Variants in ADAMTS2 observed in about 807,000 individuals in gnomAD.
ADAMTS2 encodes the protein ADAM metallopeptidase with thrombospondin type 1 motif 2.
Under a neutral mutation model 123.0 loss-of-function variants are expected in ADAMTS2, and 50 were observed. That is an observed-to-expected ratio of 0.41 (90% CI 0.32 to 0.51). The LOEUF (loss-of-function observed/expected upper bound fraction) is 0.51. Among genes scored for constraint, ADAMTS2 ranks in the 20% least tolerant of loss-of-function variants. The pLI is 0.35. For missense variants in ADAMTS2, 1,494 were observed against 1,705.2 expected, an observed-to-expected ratio of 0.88 and a Z score of 2.18; for synonymous variants, 678 against 695.4, an observed-to-expected ratio of 0.98 and a Z score of 0.39.
Position 179,128,382 on chromosome 5 carries a change from A to AT in ADAMTS2, c.2458-265dup, listed in dbSNP as rs1196606992. Among the ~76,000 whole-genome samples, 2 of 151,844 alleles carry AT rather than the reference A, an allele frequency of 1.3e-5. No individual in the cohort carries two copies. The highest frequency in any genetic ancestry group is 2.9e-5 in the Non-Finnish European group (2 of 67,968). On this transcript the variant is annotated intron_variant, in intron 16 of 21. Coordinates refer to ENST00000251582, the MANE Select transcript of ADAMTS2 (RefSeq NM_014244.5). This position sits in a 1 kb window ranked among gnomAD's most constrained non-coding sequence, Gnocchi z 4.9. ...CCTTGTTTTATGTGTGAGTCTGTTTATTTTTTTGTTTGTTTTTGTTTGTTT... is the reference window on the plus strand; with the variant it reads ...CCTTGTTTTATGTGTGAGTCTGTTTATTTTTTTTGTTTGTTTTTGTTTGTTT...
chr5:179,204,929 G>A (rs1581188150), intron 4 of ADAMTS2, among the ~76,000 whole-genome samples: 1 of 152,236 alleles, frequency 6.6e-6, no homozygotes, highest in East Asian at 1.9e-4. Flanking sequence ...TCACTTCTGT[G>A]CAACAGGGGA....
At chr5:179,325,566 G>T (rs1757290715) in intron 2 of ADAMTS2, among the ~76,000 whole-genome samples, 1 of 152,256 alleles carries the variant, frequency 6.6e-6, no homozygotes, top group Non-Finnish European at 1.5e-5. Flanking sequence ...CCGAAGTCCT[G>T]CTCCGCTGTC....
rs187779507 is a variant in ADAMTS2, at chr5:179,183,025, C to T, written c.892-1870G>A. 8.5e-3 allele frequency among the ~76,000 whole-genome samples: 1,300 copies of T among 152,270 alleles called. 9 individuals carry two copies. The highest frequency in any genetic ancestry group is 0.012 in the Non-Finnish European group (808 of 68,008). On this transcript the variant is annotated intron_variant, in intron 4 of 21. Coordinates refer to ENST00000251582, the MANE Select transcript of ADAMTS2 (RefSeq NM_014244.5). Reference sequence around the variant, plus strand: ...CACAAAGCTGTTGTGGGGATGAAACCGTCATGCAGGTGCAATGGAATGGTG... The same window carrying T: ...CACAAAGCTGTTGTGGGGATGAAACTGTCATGCAGGTGCAATGGAATGGTG...
intron 10 of ADAMTS2, among the ~76,000 whole-genome samples, chr5:179,142,499 T>C (rs573031292): frequency 6.6e-6 from 1 of 152,286 alleles, no homozygotes; most frequent in Non-Finnish European, 1.5e-5. Context: ...GAGCAAGCTA[T>C]ATACCCCAGG....
At chr5:179,231,996 G>A (rs1023256874) in intron 3 of ADAMTS2, among the ~76,000 whole-genome samples, 20 of 151,918 alleles carry the variant, frequency 1.3e-4, no homozygotes, top group Admixed American at 1.1e-3. Flanking sequence ...GGCAGAACCC[G>A]TATCAGCTTT....
At chr5:179,330,480 G>T (rs1757453084) in intron 2 of ADAMTS2, among the ~76,000 whole-genome samples, 2 of 152,244 alleles carry the variant, frequency 1.3e-5, no homozygotes, top group Non-Finnish European at 2.9e-5. Context: ...AACTGCCCCG[G>T]CTTTGGTTTT....
In ADAMTS2 at chr5:179,228,122, A is replaced by T. The variant is rs1451563000; in HGVS notation, c.689-20407T>A. On this transcript the variant is annotated intron_variant, in intron 3 of 21. Transcript: ENST00000251582. This position sits in a 1 kb window ranked among gnomAD's most constrained non-coding sequence, Gnocchi z 5.2. ...ACACAAGGACAGACACCCATGAGAC[A>T]CTCAGGCAGGAGTGGTCTGGAGCAC... Among the ~76,000 whole-genome samples the T allele has an allele frequency of 6.6e-6, 1 of 152,038 alleles. No homozygotes were observed. The highest frequency in any genetic ancestry group is 1.5e-5 in the Non-Finnish European group (1 of 67,966).
intron 2 of ADAMTS2, among the ~76,000 whole-genome samples, chr5:179,329,803 G>C (rs1273562585): frequency 6.6e-6 from 1 of 152,206 alleles, no homozygotes; most frequent in Non-Finnish European, 1.5e-5. Context: ...GAGGAGGAAA[G>C]TTGGGGGCCG....
chr5:179,171,919 C>A (rs1000418206), intron 5 of ADAMTS2, among the ~76,000 whole-genome samples: 3 of 152,116 alleles, frequency 2.0e-5, no homozygotes, highest in Non-Finnish European at 1.5e-5. Context: ...ACTGGGGTGT[C>A]CTGGGTCCCA....
chr5:179,302,243 T>C (rs758586077), intron 2 of ADAMTS2, among the ~76,000 whole-genome samples: 10 of 151,726 alleles, frequency 6.6e-5, no homozygotes, highest in Admixed American at 1.3e-4. Context: ...GGGCGGATCA[T>C]GAGGTCAGGA....
At position 179,281,024 on chromosome 5, in the gene ADAMTS2, A is replaced by G. The variant is rs1014897432; in HGVS notation, c.535-7960T>C. On this transcript the variant is annotated intron_variant, in intron 2 of 21. Transcript: ENST00000251582. ...TGGTACACACCACCACATCCAGCTA[A>G]TTTTTGTATTTCTAGTAGAGATGGG... Among the ~76,000 whole-genome samples the G allele has an allele frequency of 5.3e-5, 8 of 152,056 alleles. No homozygotes were observed. The East Asian group carries it at 1.2e-3, about 22-fold the overall frequency.
chr5:179,251,697 A>C (rs1765930032), intron 3 of ADAMTS2, among the ~76,000 whole-genome samples: 1 of 152,232 alleles, frequency 6.6e-6, no homozygotes, highest in East Asian at 1.9e-4. Flanking sequence ...TATACCTAAG[A>C]GTAATGAACA....
At position 179,204,334 on chromosome 5, in the gene ADAMTS2, G is replaced by A. The variant is rs115399390; in HGVS notation, c.891+3179C>T. On this transcript the variant is annotated intron_variant, in intron 4 of 21. Coordinates refer to ENST00000251582, the MANE Select transcript of ADAMTS2 (RefSeq NM_014244.5). ...TCGCACGCTTAAAAATGGTGAAGAC[G>A]GTGACTTATGTTCTGTATATTTCAC... Among the ~76,000 whole-genome samples, 502 of 152,246 alleles carry A rather than the reference G, an allele frequency of 3.3e-3. 1 individual carries two copies. The highest frequency in any genetic ancestry group is 0.011 in the African/African-American group (471 of 41,530).
At position 179,137,817 on chromosome 5, in the gene ADAMTS2, C is replaced by G; in HGVS notation, c.1903G>C (p.Glu635Gln). Residue 635 changes from glutamate (E) to glutamine (Q), a missense_variant, in exon 12 of 22, where the codon GAG becomes CAG. Around this residue, in one of 6 missense-constraint regions of ADAMTS2, gnomAD observed 953 missense variants for 1,124.7 expected, o/e 0.85. Coordinates refer to ENST00000251582, the MANE Select transcript of ADAMTS2 (RefSeq NM_014244.5). ...EQCRQWDLYF[E>Q]HGDAQHHWLP... The stretch of plus-strand genomic sequence containing the variant: ...CAGTGGTGCTGGGCGTCGCCGTGCT[C>G]GAAGTACAGGTCCCACTGGCGGCAC... 1 of 1,580,312 alleles carries G rather than the reference C, an allele frequency of 6.3e-7. No homozygotes were observed. Among genetic ancestry groups the G allele is most frequent in the Non-Finnish European group, 8.6e-7 (1 of 1,164,946 alleles).
At chr5:179,217,630 G>A (rs906894377) in intron 3 of ADAMTS2, among the ~76,000 whole-genome samples, 1 of 148,720 alleles carries the variant, frequency 6.7e-6, no homozygotes, top group Non-Finnish European at 1.5e-5. Flanking sequence ...GCGGGCTTTG[G>A]GTTCCAAGCC....
At chr5:179,286,382 A>G (rs234994) in intron 2 of ADAMTS2, among the ~76,000 whole-genome samples, 148,439 of 152,134 alleles carry the variant, frequency 0.98, 72,536 homozygotes, top group East Asian at 1. Flanking sequence ...CAACCAGCCC[A>G]GGAGACCAGC....
At chr5:179,341,772 A>G (rs548271094) in intron 2 of ADAMTS2, among the ~76,000 whole-genome samples, 193 of 151,722 alleles carry the variant, frequency 1.3e-3, no homozygotes, top group African/African-American at 4.4e-3. Flanking sequence ...GTCCAAGGCC[A>G]TTATTCAGTG....
At chr5:179,287,645 T>G (rs969626183) in intron 2 of ADAMTS2, among the ~76,000 whole-genome samples, 1 of 152,186 alleles carries the variant, frequency 6.6e-6, no homozygotes, top group Non-Finnish European at 1.5e-5. Flanking sequence ...TTGAACAGCA[T>G]CCAATACCCT....
chr5:179,272,902 T>C lies in ADAMTS2; in HGVS notation c.688+9A>G, dbSNP rs1347345675. 1.2e-6 allele frequency: 2 copies of C among 1,607,108 alleles called. No homozygotes were observed. Among genetic ancestry groups the C allele is most frequent in the African/African-American group, 2.7e-5 (2 of 74,856 alleles). ...CTCCACACAGCCTGCCCACCTGCAG[T>C]AGCCTCACCTGTGTCCAGGGCCTGT... On this transcript the variant is annotated intron_variant, in intron 3 of 21. Transcript: ENST00000251582. The surrounding 1 kb of genome is among the most constrained non-coding windows in gnomAD (Gnocchi z 5.8).
Sources: gnomAD v4.1 joint callset for allele counts (sites outside exome capture counted in the v4.1 genomes callset) on GRCh38, gnomAD v4.1.1 for gene constraint, gnomAD v4.1.1 regional missense constraint, Gnocchi (gnomAD v3.1) non-coding constraint, MANE v1.5 for transcripts, NCBI Gene and HGNC (gene_info 2026-07-23, HGNC 2026-07-21) for gene names.